TBX1: variants seen among roughly 807,000 people sequenced by gnomAD.
TBX1 encodes T-box transcription factor TBX1.
TBX1 carries 16 observed loss-of-function variants against 40.8 expected under a neutral mutation model. The ratio of observed to expected loss-of-function variants is 0.39; its 90% CI spans 0.27 to 0.60. TBX1 has a LOEUF of 0.60. Among genes scored for constraint, TBX1 ranks in the 20% least tolerant of loss-of-function variants. The pLI is 0.51. For synonymous variants in TBX1, 403 were observed against 336.8 expected, an observed-to-expected ratio of 1.20 and a Z score of -2.15; for missense variants, 755 against 728.5, an observed-to-expected ratio of 1.04 and a Z score of -0.42.
intron 3 of TBX1, among the ~76,000 whole-genome samples, 171 bp downstream of exon 3, chr22:19,764,497 G>A (rs1188261685): frequency 9.2e-5 from 14 of 152,256 alleles, no homozygotes; most frequent in African/African-American, 2.9e-4. Flanking sequence ...AGGCTGAGGC[G>A]GAGCTTGGGC....
downstream of TBX1, chr22:19,783,078 C>T: frequency 1.3e-6 from 1 of 788,286 alleles, no homozygotes; most frequent in South Asian, 1.3e-5. Flanking sequence ...AGCCAAGGCT[C>T]CAAGCACCTG....
At chr22:19,774,588 C>T (rs1009529476) in intron 8 of TBX1, among the ~76,000 whole-genome samples, 12 of 152,044 alleles carry the variant, frequency 7.9e-5, no homozygotes, top group Admixed American at 3.9e-4. Flanking sequence ...GATAAGTGAA[C>T]GGATCAACAA....
chr22:19,759,988 G>A (rs186594847), upstream of TBX1, among the ~76,000 whole-genome samples: 227 of 152,336 alleles, frequency 1.5e-3, 2 homozygotes, highest in African/African-American at 5.2e-3. Flanking sequence ...TAAGAGAGGA[G>A]AGAGCGGGAG....
At chr22:19,773,769 G>A (rs1356075533) in intron 8 of TBX1, among the ~76,000 whole-genome samples, 2 of 152,258 alleles carry the variant, frequency 1.3e-5, no homozygotes, top group Non-Finnish European at 2.9e-5. Flanking sequence ...CAGGAGGGGA[G>A]TGGTCTCAGG....
chr22:19,762,030 G>C (rs1201722990), intron 1 of TBX1, among the ~76,000 whole-genome samples: 1 of 152,268 alleles, frequency 6.6e-6, no homozygotes, highest in East Asian at 1.9e-4. Flanking sequence ...AACAGCCAAG[G>C]GGAGCTCAGG....
downstream of TBX1, among the ~76,000 whole-genome samples, chr22:19,779,850 C>T (rs1039215011): frequency 1.3e-5 from 2 of 152,204 alleles, no homozygotes; most frequent in African/African-American, 4.8e-5. Context: ...GATTAGCATC[C>T]GACCCACATC....
chr22:19,778,293 G>A (rs1049109479), intron 8 of TBX1, among the ~76,000 whole-genome samples: 6 of 147,030 alleles, frequency 4.1e-5, no homozygotes, highest in Non-Finnish European at 9.0e-5. Flanking sequence ...AGAGATGGGG[G>A]TCTCACTATG....
At chr22:19,764,847 C>A in intron 3 of TBX1, 111 bp from the exon 4 acceptor site, 1 of 1,352,488 alleles carries the variant, frequency 7.4e-7, no homozygotes, top group Non-Finnish European at 1.0e-6. Context: ...TTTTGCCCAA[C>A]TCATCCAGGA....
chr22:19,767,121 C>A lies in TBX1; in HGVS notation c.*254C>A. On this transcript the variant is annotated 3_prime_UTR_variant, in exon 7 of 7. Transcript: ENST00000649276. Reference sequence around the variant, plus strand: ...CCCGGCCCCGAGGGCCAAGGGGGTCCCCGCCCGCCAGTGCCAAAGCGCCCG... The same window carrying A: ...CCCGGCCCCGAGGGCCAAGGGGGTCACCGCCCGCCAGTGCCAAAGCGCCCG... The A allele has an allele frequency of 1.3e-5, 16 of 1,249,090 alleles. No individual in the cohort carries two copies. The highest frequency in any genetic ancestry group is 1.6e-5 in the Non-Finnish European group (16 of 998,328). The allele number at this position is 1,249,090 out of a possible 1,614,324, so 77.4% of individuals were successfully genotyped here. A position where few individuals can be genotyped will look rare whatever the true frequency, so the allele number is the denominator to read the frequency against.
At chr22:19,781,132 A>G (rs1369526947), downstream of TBX1, among the ~76,000 whole-genome samples, 53 of 152,306 alleles carry the variant, frequency 3.5e-4, no homozygotes, top group Admixed American at 3.3e-3. Context: ...GTAAGGCAGT[A>G]TCTGTCTCAT....
chr22:19,763,181 G>T, intron 1 of TBX1, 60 bp from the exon 2 acceptor site: 1 of 1,420,462 alleles, frequency 7.0e-7, no homozygotes, highest in Non-Finnish European at 9.9e-7. Context: ...CCAGCCCCAG[G>T]CAGGTCAAGG....
chr22:19,763,219 C>T (rs910500651), intron 1 of TBX1, 22 bp from the exon 2 acceptor site: 2 of 1,605,144 alleles, frequency 1.2e-6, no homozygotes, highest in Non-Finnish European at 1.7e-6. Flanking sequence ...GCTAGGGTGA[C>T]CCAAGGCCTC....
At chr22:19,778,156 G>A (rs1601307547) in intron 8 of TBX1, among the ~76,000 whole-genome samples, 1 of 151,704 alleles carries the variant, frequency 6.6e-6, no homozygotes, top group Non-Finnish European at 1.5e-5. Flanking sequence ...CAGTGGCATC[G>A]TGATCAAGGC....
At chr22:19,766,249 G>C in intron 6 of TBX1, 140 bp from the exon 7 acceptor site, 1 of 1,151,848 alleles carries the variant, frequency 8.7e-7, no homozygotes, top group Non-Finnish European at 1.1e-6. Context: ...GCGACTTGGG[G>C]TCTCGGGCAC....
chr22:19,766,141 A>C, intron 6 of TBX1, 139 bp downstream of exon 6: 1 of 803,620 alleles, frequency 1.2e-6, no homozygotes, highest in Non-Finnish European at 1.6e-6. Flanking sequence ...GGCGGCGGGC[A>C]AGCGCGCACT....
At chr22:19,761,370 A>C in intron 1 of TBX1, 90 bp downstream of exon 1, 1 of 1,339,146 alleles carries the variant, frequency 7.5e-7, no homozygotes, top group Non-Finnish European at 9.7e-7. Context: ...GCGGGGCCGA[A>C]AGCCGGGTCG....
intron 8 of TBX1, among the ~76,000 whole-genome samples, chr22:19,776,257 A>G (rs1369427530): frequency 9.2e-5 from 14 of 151,908 alleles, no homozygotes; most frequent in Admixed American, 9.2e-4. Flanking sequence ...CTCTGTCCCT[A>G]CCCAATATGG....
upstream of TBX1, chr22:19,759,795 CTGGCTGCGA>C (rs1936582457): frequency 2.9e-5 from 35 of 1,226,290 alleles, 1 homozygote; most frequent in South Asian, 4.5e-4. Flanking sequence ...CTCCAGGCTT[CTGGCTGCGA>C]TTCTGGGGCA....
chr22:19,768,729 C>T (rs185374359), downstream of TBX1, among the ~76,000 whole-genome samples: 7 of 152,270 alleles, frequency 4.6e-5, no homozygotes, highest in East Asian at 1.4e-3. Context: ...TTCGAGACCT[C>T]CGCCTTGGTT....
Sources: allele counts gnomAD v4.1 joint callset (sites outside exome capture counted in the v4.1 genomes callset), GRCh38; gene constraint gnomAD v4.1.1; transcripts MANE v1.5; gene names NCBI Gene and HGNC (gene_info 2026-07-23, HGNC 2026-07-21).